Variants in ZWILCH observed in about 807,000 individuals in gnomAD.
ZWILCH encodes the protein protein zwilch homolog.
ZWILCH carries 74 observed loss-of-function variants against 79.9 expected under a neutral mutation model. The observed-to-expected ratio is 0.93, with a 90% CI of 0.77 to 1.12. The LOEUF (loss-of-function observed/expected upper bound fraction) is 1.12, where lower values mean the gene tolerates loss of function less well. Ranked by LOEUF, ZWILCH falls within the 50% of genes most tolerant of loss-of-function variation. ZWILCH has a pLI of 0.00. For synonymous variants in ZWILCH, 241 were observed against 228.2 expected, an observed-to-expected ratio of 1.06 and a Z score of -0.51; for missense variants, 694 against 687.5, an observed-to-expected ratio of 1.01 and a Z score of -0.11.
At position 66,548,336 on chromosome 15, in the gene ZWILCH, A is replaced by G. The variant is rs1595928494; in HGVS notation, c.*27-15A>G. The G allele has an allele frequency of 2.3e-6, 1 of 427,590 alleles. No individual in the cohort carries two copies. Among genetic ancestry groups the G allele is most frequent in the Non-Finnish European group, 4.2e-6 (1 of 240,280 alleles). 26.5% of individuals were successfully genotyped at this position (427,590 alleles called of 1,614,324 possible). A position where few individuals can be genotyped will look rare whatever the true frequency, so the allele number is the denominator to read the frequency against. ...AATTTCTGCTTATTTTTATTTTCTA[A>G]TTCTTAAATCCCAGCACAAGCCAAA... is the stretch of plus-strand genomic sequence containing the variant. On this transcript the variant is annotated splice_polypyrimidine_tract_variant and intron_variant, in intron 18 of 18. Transcript: ENST00000307897.
chr15:66,513,387 G>T (rs185390058), intron 2 of ZWILCH, among the ~76,000 whole-genome samples: 2 of 151,824 alleles, frequency 1.3e-5, no homozygotes, highest in Non-Finnish European at 2.9e-5. Context: ...GCAATATAGC[G>T]AGACCCCATC....
At chr15:66,509,851 A>AG (rs1410647737) in intron 2 of ZWILCH, among the ~76,000 whole-genome samples, 1 of 91,974 alleles carries the variant, frequency 1.1e-5, no homozygotes, top group Non-Finnish European at 2.3e-5. Flanking sequence ...ATATATATAT[A>AG]TATATATATA....
intron 13 of ZWILCH, 25 bp from the exon 14 acceptor site, chr15:66,532,960 G>A: frequency 6.6e-7 from 1 of 1,519,830 alleles, no homozygotes; most frequent in Non-Finnish European, 8.9e-7. Context: ...AAGTGTTTTT[G>A]CATGTATGTG....
intron 15 of ZWILCH, 48 bp from the exon 16 acceptor site, chr15:66,537,119 AT>A (rs1156645890): frequency 6.8e-7 from 1 of 1,462,838 alleles, no homozygotes; most frequent in South Asian, 1.2e-5. Flanking sequence ...GAAAAACGTT[AT>A]GTCAAATGGC....
chr15:66,540,830 T>C (rs938449930), intron 17 of ZWILCH, among the ~76,000 whole-genome samples: 1 of 150,656 alleles, frequency 6.6e-6, no homozygotes, highest in Non-Finnish European at 1.5e-5. Flanking sequence ...GGTTTTACCA[T>C]GTTGGCCAGG....
chr15:66,548,591 G>C lies in ZWILCH; in HGVS notation c.*267G>C. The C allele has an allele frequency of 6.3e-7, 1 of 1,596,006 alleles. No individual in the cohort carries two copies. Among genetic ancestry groups the C allele is most frequent in the South Asian group, 1.1e-5 (1 of 90,636 alleles). On this transcript the variant is annotated 3_prime_UTR_variant, in exon 19 of 19. Transcript: ENST00000307897. ...ACGATCTCCGTAACCATTTGCATGT[G>C]ACTTAGCAAGGGCTCTGAAATGACA...
intron 7 of ZWILCH, among the ~76,000 whole-genome samples, chr15:66,522,307 G>A (rs1051615058): frequency 2.0e-5 from 3 of 151,710 alleles, no homozygotes; most frequent in African/African-American, 4.8e-5. Flanking sequence ...TGTTCAGTAG[G>A]GAATAGTTGA....
In ZWILCH at chr15:66,548,475, A is replaced by G. The variant is rs531983026; in HGVS notation, c.*151A>G. The G allele has an allele frequency of 2.7e-6, 4 of 1,459,168 alleles. No homozygotes were observed. The Admixed American group carries it at 5.1e-5, about 19-fold the overall frequency. The allele number at this position is 1,459,168 out of a possible 1,614,324, so 90.4% of individuals were successfully genotyped here. On this transcript the variant is annotated 3_prime_UTR_variant, in exon 19 of 19. Coordinates refer to ENST00000307897, the MANE Select transcript of ZWILCH (RefSeq NM_017975.5). ...GAAGATTCTCTTATGAAGCTCCAAA[A>G]TTGATAATCCTGTCTCAGCTCTGCC... is the stretch of plus-strand genomic sequence containing the variant.
At chr15:66,522,204 AAAG>A (rs1212472505) in intron 7 of ZWILCH, among the ~76,000 whole-genome samples, 1 of 152,140 alleles carries the variant, frequency 6.6e-6, no homozygotes, top group Non-Finnish European at 1.5e-5. Flanking sequence ...TCTCAAAAAA[AAAG>A]AAGTCAAAAT....
chr15:66,520,994 G>T, intron 6 of ZWILCH, 56 bp from the exon 7 acceptor site: 1 of 1,575,320 alleles, frequency 6.3e-7, no homozygotes, highest in Non-Finnish European at 8.6e-7. Flanking sequence ...TTGGGTAATG[G>T]ACTCTTGGCC....
chr15:66,507,233 G>A (rs1240114316), intron 1 of ZWILCH, among the ~76,000 whole-genome samples: 1 of 152,112 alleles, frequency 6.6e-6, no homozygotes, highest in African/African-American at 2.4e-5. Flanking sequence ...ATTTTCACAC[G>A]GGACCTCAGA....
intron 15 of ZWILCH, among the ~76,000 whole-genome samples, 187 bp from the exon 16 acceptor site, chr15:66,536,980 AC>A (rs769850393): frequency 2.0e-5 from 3 of 152,132 alleles, no homozygotes; most frequent in Non-Finnish European, 4.4e-5. Flanking sequence ...AAAGAAAAAA[AC>A]ATAACCTAAG....
chr15:66,548,978 T>G lies in ZWILCH; in HGVS notation c.*654T>G, dbSNP rs1895490798. 1 of 157,270 alleles carries G rather than the reference T, an allele frequency of 6.4e-6. No homozygotes were observed. The highest frequency in any genetic ancestry group is 1.8e-4 in the East Asian group (1 of 5,502). 9.7% of individuals were successfully genotyped at this position (157,270 alleles called of 1,614,324 possible). On this transcript the variant is annotated 3_prime_UTR_variant, in exon 19 of 19. Transcript: ENST00000307897. ...TGATAGGAAAGTCCTTGGGAAACAT[T>G]TCCAATCTTTCAAAATATTATTGTG...
At chr15:66,535,457 C>T (rs1490308907) in intron 14 of ZWILCH, among the ~76,000 whole-genome samples, 4 of 152,134 alleles carry the variant, frequency 2.6e-5, no homozygotes, top group African/African-American at 9.7e-5. Flanking sequence ...AGACAGATCA[C>T]TTGAGGTCAG....
At chr15:66,525,128 T>C (rs1274202270) in intron 8 of ZWILCH, among the ~76,000 whole-genome samples, 2 of 152,216 alleles carry the variant, frequency 1.3e-5, no homozygotes, top group African/African-American at 2.4e-5. Flanking sequence ...CTGTCTGTGG[T>C]CCCATCGTTC....
chr15:66,546,757 C>G (rs1179592961), intron 18 of ZWILCH, 52 bp downstream of exon 18: 6 of 975,684 alleles, frequency 6.1e-6, no homozygotes, highest in African/African-American at 1.6e-5. Context: ...TAATAAGTAC[C>G]TTACGTTTAG....
intron 2 of ZWILCH, among the ~76,000 whole-genome samples, chr15:66,513,001 A>C (rs1894124403): frequency 6.6e-6 from 1 of 151,914 alleles, no homozygotes; most frequent in African/African-American, 2.4e-5. Flanking sequence ...CACCAGTTTG[A>C]GCAGACTGGT....
At chr15:66,537,505 A>C (rs1895052844) in intron 16 of ZWILCH, among the ~76,000 whole-genome samples, 1 of 152,058 alleles carries the variant, frequency 6.6e-6, no homozygotes, top group Admixed American at 6.6e-5. Flanking sequence ...AGCCTGGCCA[A>C]AATGGTGAAA....
chr15:66,514,200 T>C lies in ZWILCH; in HGVS notation c.201+117T>C. The C allele has an allele frequency of 1.6e-5, 10 of 641,132 alleles. No individual in the cohort carries two copies. In the South Asian group the frequency reaches 2.0e-4, roughly 13 times the overall value. 39.7% of individuals were successfully genotyped at this position (641,132 alleles called of 1,614,324 possible). ...CATCGGTGAAAATGAGTTCTCATTC[T>C]TTTAGGAGTAAGTGTAGTGCTGTCC... On this transcript the variant is annotated intron_variant, in intron 3 of 18. Coordinates refer to ENST00000307897, the MANE Select transcript of ZWILCH (RefSeq NM_017975.5).
Sources: allele counts gnomAD v4.1 joint callset (sites outside exome capture counted in the v4.1 genomes callset), GRCh38; gene constraint gnomAD v4.1.1; transcripts MANE v1.5; gene names NCBI Gene and HGNC (gene_info 2026-07-23, HGNC 2026-07-21).